CLEC16A: variants seen among roughly 807,000 people sequenced by gnomAD.
CLEC16A encodes the protein protein CLEC16A.
In CLEC16A, 51 loss-of-function variants were observed where a neutral mutation model predicts 109.5. The observed-to-expected ratio is 0.47, with a 90% confidence interval of 0.37 to 0.59. The LOEUF (loss-of-function observed/expected upper bound fraction) is 0.59. CLEC16A is among the 20% of genes least tolerant of loss of function. The pLI, the probability that CLEC16A is intolerant of heterozygous loss-of-function variation, is 0.00. For missense variants in CLEC16A, 1,339 were observed against 1,394.0 expected (o/e 0.96, Z 0.63); for synonymous variants, 673 against 564.2 (o/e 1.19, Z -2.73).
At chr16:11,081,925 G>C (rs545430678) in intron 19 of CLEC16A, among the ~76,000 whole-genome samples, 336 of 152,292 alleles carry the variant, frequency 2.2e-3, no homozygotes, top group Non-Finnish European at 3.8e-3. Context: ...CCAGCTACTT[G>C]GGAGGTTGAG....
chr16:11,157,134 G>A (rs546409380), intron 22 of CLEC16A: 1 of 1,292,020 alleles, frequency 7.7e-7, no homozygotes, highest in African/African-American at 1.5e-5. Flanking sequence ...AAGAGCTATA[G>A]GCTAAAAGAC....
Position 11,013,846 on chromosome 16 carries a change from G to C in CLEC16A, c.1304-6347G>C, listed in dbSNP as rs565451086. On this transcript the variant is annotated intron_variant, in intron 11 of 23. Coordinates refer to ENST00000409790, the MANE Select transcript of CLEC16A (RefSeq NM_015226.3). ...CCTAGCTACTCGGGAGGCTGAGGCA[G>C]GAGAATTGCTTGAACTTGGGAGGCA... Among the ~76,000 whole-genome samples, 4 of 152,238 alleles carry C rather than the reference G, an allele frequency of 2.6e-5. No homozygotes were observed. In the East Asian group the frequency reaches 7.7e-4, roughly 29 times the overall value.
intron 3 of CLEC16A, among the ~76,000 whole-genome samples, chr16:10,965,722 G>A (rs2042469064): frequency 6.6e-6 from 1 of 152,140 alleles, no homozygotes; most frequent in Admixed American, 6.5e-5. Flanking sequence ...TATTAGAAAA[G>A]GATACCACAG....
At chr16:11,152,551 C>T (rs2054333178) in intron 22 of CLEC16A, among the ~76,000 whole-genome samples, 1 of 152,200 alleles carries the variant, frequency 6.6e-6, no homozygotes, top group Non-Finnish European at 1.5e-5. Context: ...CAGAGCAGGG[C>T]CAGTGCCAAT....
At chr16:11,162,389 C>T (rs897101837) in intron 22 of CLEC16A, among the ~76,000 whole-genome samples, 1 of 152,222 alleles carries the variant, frequency 6.6e-6, no homozygotes, top group African/African-American at 2.4e-5. Context: ...TGAGTCTATC[C>T]AGTTCCCAGG....
chr16:11,177,526 G>C (rs549130785), intron 23 of CLEC16A, among the ~76,000 whole-genome samples: 2 of 152,142 alleles, frequency 1.3e-5, no homozygotes, highest in Non-Finnish European at 2.9e-5. Context: ...CTTGACCCCG[G>C]GAGGTGGAAG....
chr16:11,155,168 C>G (rs1181726688), intron 22 of CLEC16A, among the ~76,000 whole-genome samples: 1 of 152,106 alleles, frequency 6.6e-6, no homozygotes. Flanking sequence ...TCATTGGGCC[C>G]AAGTTCCAGG....
At chr16:11,043,023 TAC>T (rs1456725315) in intron 15 of CLEC16A, among the ~76,000 whole-genome samples, 1 of 151,946 alleles carries the variant, frequency 6.6e-6, no homozygotes, top group African/African-American at 2.4e-5. Flanking sequence ...AACATCTATT[TAC>T]ATATGTAAAT....
intron 13 of CLEC16A, among the ~76,000 whole-genome samples, chr16:11,039,538 A>G (rs2152846937): frequency 6.6e-6 from 1 of 152,298 alleles, no homozygotes; most frequent in South Asian, 2.1e-4. Flanking sequence ...GAGGCCCAGC[A>G]CTTGGGGAAG....
At chr16:11,145,045 GCGGGCTGTGAAAACCAC>G (rs2053994636) in intron 22 of CLEC16A, among the ~76,000 whole-genome samples, 1 of 152,192 alleles carries the variant, frequency 6.6e-6, no homozygotes, top group South Asian at 2.1e-4. Flanking sequence ...GGGGGAATGA[GCGGGCTGTGAAAACCAC>G]CATGTGCACA....
At chr16:11,160,844 G>A (rs148360212) in intron 22 of CLEC16A, among the ~76,000 whole-genome samples, 1 of 152,228 alleles carries the variant, frequency 6.6e-6, no homozygotes, top group East Asian at 1.9e-4. Flanking sequence ...CATAGCTCAG[G>A]GCAGCTGCTG....
chr16:11,028,185 C>T (rs933089065), intron 13 of CLEC16A, among the ~76,000 whole-genome samples: 7 of 152,090 alleles, frequency 4.6e-5, no homozygotes, highest in Non-Finnish European at 8.8e-5. Context: ...GGGCAACGAG[C>T]GAAACTCTGT....
chr16:11,100,044 G>A lies in CLEC16A; in HGVS notation c.2117-20571G>A, dbSNP rs192675190. Among the ~76,000 whole-genome samples, 77 of 152,220 alleles carry A rather than the reference G, an allele frequency of 5.1e-4. No individual in the cohort carries two copies. The East Asian group carries it at 0.014, about 28-fold the overall frequency. On this transcript the variant is annotated intron_variant, in intron 19 of 23. Coordinates refer to ENST00000409790, the MANE Select transcript of CLEC16A (RefSeq NM_015226.3). ...CCAACTGTCTGACCACGGTGGCTCT[G>A]CCTATGACACACTTATTTACTATTG...
At chr16:11,131,269 C>A (rs922222103) in intron 22 of CLEC16A, among the ~76,000 whole-genome samples, 1 of 152,214 alleles carries the variant, frequency 6.6e-6, no homozygotes, top group African/African-American at 2.4e-5. Flanking sequence ...ATGGCAACAG[C>A]TGCTTCTAGA....
intron 19 of CLEC16A, among the ~76,000 whole-genome samples, chr16:11,117,386 A>G (rs1002466095): frequency 6.6e-6 from 1 of 152,216 alleles, no homozygotes; most frequent in Admixed American, 6.5e-5. Context: ...GCTTCTGTTA[A>G]TGTTTTGGCA....
chr16:11,112,976 G>C (rs928421247), intron 19 of CLEC16A, among the ~76,000 whole-genome samples: 1 of 152,218 alleles, frequency 6.6e-6, no homozygotes, highest in African/African-American at 2.4e-5. Flanking sequence ...CTCATTCTCA[G>C]TATAGGTACT....
chr16:11,001,874 C>T (rs2044690489), intron 10 of CLEC16A, among the ~76,000 whole-genome samples: 1 of 152,202 alleles, frequency 6.6e-6, no homozygotes, highest in Non-Finnish European at 1.5e-5. Context: ...ATTGCTGATA[C>T]TTACTAGGCT....
intron 11 of CLEC16A, among the ~76,000 whole-genome samples, chr16:11,015,087 T>C (rs1371956697): frequency 6.6e-6 from 1 of 152,174 alleles, no homozygotes; most frequent in African/African-American, 2.4e-5. Flanking sequence ...TTTCAGTACC[T>C]ATAAGGGTTG....
chr16:11,008,608 C>CA (rs976030364), intron 11 of CLEC16A, among the ~76,000 whole-genome samples: 5 of 150,862 alleles, frequency 3.3e-5, no homozygotes, highest in South Asian at 2.1e-4. Context: ...TCCCTGCTCC[C>CA]TTTTTTTTTC....
Sources: gnomAD v4.1 joint callset for allele counts (sites outside exome capture counted in the v4.1 genomes callset) on GRCh38, gnomAD v4.1.1 for gene constraint, MANE v1.5 for transcripts, NCBI Gene and HGNC (gene_info 2026-07-23, HGNC 2026-07-21) for gene names.